The following NCOR2 variants were observed in gnomAD, a reference collection of about 807,000 sequenced individuals.
NCOR2 encodes the protein nuclear receptor corepressor 2.
A neutral mutation model predicts 262.9 loss-of-function variants in NCOR2; 81 were observed. The observed-to-expected ratio is 0.31, with a 90% CI of 0.26 to 0.37. The LOEUF is 0.37. Ranked by LOEUF, NCOR2 falls within the 10% of genes least tolerant of loss-of-function variation. The pLI is 1.00. For missense variants in NCOR2, 3,385 were observed against 3,621.4 expected, an observed-to-expected ratio of 0.93 and a Z score of 1.68; for synonymous variants, 1,659 against 1,559.3, an observed-to-expected ratio of 1.06 and a Z score of -1.51.
rs1288563407 is a variant in NCOR2, at chr12:124,566,354, A to G, written c.-165+954T>C. ...TCGCTTCCAAAAAAATAAACCTACA[A>G]TGTAAAAATAACGCCGGGCGCCCCA... On this transcript the variant is annotated intron_variant, in intron 1 of 32. Transcript: ENST00000458234. This position sits in a 1 kb window ranked among gnomAD's most constrained non-coding sequence, Gnocchi z 4.3. Among the ~76,000 whole-genome samples, 1 of 152,006 alleles carries G rather than the reference A, an allele frequency of 6.6e-6. No individual in the cohort carries two copies. The highest frequency in any genetic ancestry group is 2.4e-5 in the African/African-American group (1 of 41,396).
intron 1 of NCOR2, among the ~76,000 whole-genome samples, chr12:124,565,705 C>T (rs991571982): frequency 6.6e-6 from 1 of 152,188 alleles, no homozygotes; most frequent in Non-Finnish European, 1.5e-5. Context: ...TATGGCCGGA[C>T]GGTCAGCTCT....
chr12:124,514,752 G>A (rs745361151), intron 1 of NCOR2: 4 of 147,352 alleles, frequency 2.7e-5, no homozygotes, highest in African/African-American at 1.0e-4. Flanking sequence ...CAGGAGAATC[G>A]CTTGAACCTG....
At chr12:124,496,422 C>CACCCCCCAGAGCTGAGGGAAATGCACCCT, upstream of NCOR2, among the ~76,000 whole-genome samples, 1 of 152,244 alleles carries the variant, frequency 6.6e-6, no homozygotes, top group South Asian at 2.1e-4. This position sits in a 1 kb window ranked among gnomAD's most constrained non-coding sequence, Gnocchi z 4.4. Context: ...CAATTGCACA[C>CACCCCCCAGAGCTGAGGGAAATGCACCCT]ACCCCCCAGA....
chr12:124,374,511 T>C (rs372970253), intron 18 of NCOR2, 48 bp from the exon 21 acceptor site: 17 of 1,585,416 alleles, frequency 1.1e-5, no homozygotes, highest in African/African-American at 1.3e-5. Flanking sequence ...CACCAAGTAG[T>C]GGGAGGGGAG....
chr12:124,396,402 T>G (rs1179269867), intron 16 of NCOR2, among the ~76,000 whole-genome samples: 2 of 152,194 alleles, frequency 1.3e-5, no homozygotes, highest in African/African-American at 2.4e-5. Flanking sequence ...CAATAAAGCT[T>G]CTTTTGCAGC....
rs1318693642 is a variant in NCOR2 at position 124,348,426 on chromosome 12, G to A, written c.3845-112C>T. The A allele has an allele frequency of 2.2e-6, 3 of 1,394,858 alleles. No homozygotes were observed. The South Asian group carries it at 4.2e-5, about 20-fold the overall frequency. The allele number at this position is 1,394,858 out of a possible 1,614,324, so 86.4% of individuals were successfully genotyped here. On this transcript the variant is annotated intron_variant, in intron 28 of 46. Coordinates refer to ENST00000405201, the Ensembl canonical transcript of NCOR2. ...AGGAGCCAGCAGTGCTTCCATGCTG[G>A]CCCCGTCACAAAGCCTCACAGCCGA...
At chr12:124,466,315 G>C in intron 4 of NCOR2, 29 bp from the exon 7 acceptor site, 1 of 1,589,580 alleles carries the variant, frequency 6.3e-7, no homozygotes, top group South Asian at 1.1e-5. Context: ...CGTGAGGGAT[G>C]AGCACCCCAG....
At chr12:124,371,901 C>A in intron 20 of NCOR2, 121 bp downstream of exon 22, 1 of 1,036,788 alleles carries the variant, frequency 9.6e-7, no homozygotes, top group Non-Finnish European at 1.4e-6. Flanking sequence ...GCCTCCCTAA[C>A]CACACCTCGG....
chr12:124,355,235 G>A, intron 24 of NCOR2, 197 bp downstream of exon 26: 1 of 663,042 alleles, frequency 1.5e-6, no homozygotes, highest in Non-Finnish European at 2.5e-6. Flanking sequence ...GCCCTTGACT[G>A]CAATACAGAG....
chr12:124,543,048 G>A (rs1245989526), intron 1 of NCOR2, among the ~76,000 whole-genome samples: 1 of 41,604 alleles, frequency 2.4e-5, no homozygotes, highest in African/African-American at 9.1e-5. Context: ...GGGTGGGTGG[G>A]CGAAGATGGG....
chr12:124,428,044 AGTGTGTGTGTGTGTGT>A (rs55965573), intron 10 of NCOR2, among the ~76,000 whole-genome samples: 7,011 of 112,484 alleles, frequency 0.062, 210 homozygotes, highest in Non-Finnish European at 0.076. Context: ...CCATGTGGCC[AGTGTGTGTGTGTGTGT>A]GTGTGTGTGT....
At chr12:124,498,231 G>A (rs944516295), upstream of NCOR2, among the ~76,000 whole-genome samples, 1 of 152,174 alleles carries the variant, frequency 6.6e-6, no homozygotes, top group Admixed American at 6.5e-5. Flanking sequence ...CCTTTGCCCA[G>A]TGAGATGCTG....
chr12:124,382,004 G>C (rs952876189), intron 17 of NCOR2, among the ~76,000 whole-genome samples: 2 of 152,220 alleles, frequency 1.3e-5, no homozygotes, highest in Non-Finnish European at 2.9e-5. Context: ...TGCAAGGCGG[G>C]AGGGGACACC....
At chr12:124,416,509 C>T (rs527578115) in intron 13 of NCOR2, among the ~76,000 whole-genome samples, 21 of 152,074 alleles carry the variant, frequency 1.4e-4, no homozygotes, top group Non-Finnish European at 2.9e-4. Context: ...ATGCCACCTC[C>T]CAGGGAGACC....
In NCOR2 at chr12:124,503,465, T is replaced by TGATG. The variant is rs57693607; in HGVS notation, c.-117-8101_-117-8098dup. Among the ~76,000 whole-genome samples, 24,604 of 148,888 alleles carry TGATG rather than the reference T, an allele frequency of 0.17. 2,298 individuals are homozygous for TGATG. The highest frequency in any genetic ancestry group is 0.27 in the East Asian group (1,393 of 5,106). ...GAGAAAGGAGGAAGGATGCATGGAC[T>TGATG]GATGGATGGATGGATGGATGATGGA... On this transcript the variant is annotated intron_variant, in intron 1 of 46. Coordinates refer to the NCOR2 transcript ENST00000404621. This position sits in a 1 kb window ranked among gnomAD's most constrained non-coding sequence, Gnocchi z 4.3.
chr12:124,324,565 C>G (rs1273786115), exon 47 of NCOR2: 1 of 152,368 alleles, frequency 6.6e-6, no homozygotes. Flanking sequence ...AGCCAGCAGT[C>G]CCCGCCCCCT....
At position 124,346,854 on chromosome 12, in the gene NCOR2, C is replaced by A. The variant is rs1454972025; in HGVS notation, c.4073-4G>T. On this transcript the variant is annotated splice_region_variant and splice_polypyrimidine_tract_variant and intron_variant, in intron 30 of 46. Transcript: ENST00000405201. Reference sequence around the variant, plus strand: ...TCCACGTAGGACCGAGGGATCCCTGCCGGGCCGACAGCACTGACCCTCACG... The same window carrying A: ...TCCACGTAGGACCGAGGGATCCCTGACGGGCCGACAGCACTGACCCTCACG... 6.4e-7 allele frequency: 1 copy of A among 1,562,746 alleles called. No homozygotes were observed.
At chr12:124,428,229 C>T (rs941959466) in intron 10 of NCOR2, among the ~76,000 whole-genome samples, 1 of 152,198 alleles carries the variant, frequency 6.6e-6, no homozygotes, top group Non-Finnish European at 1.5e-5. Context: ...TGCACAGCAT[C>T]GGTGAGACAG....
At chr12:124,407,117 TG>T (rs1460298912) in intron 13 of NCOR2, among the ~76,000 whole-genome samples, 4 of 152,178 alleles carry the variant, frequency 2.6e-5, no homozygotes, top group African/African-American at 9.7e-5. Flanking sequence ...CTCCTCCCTA[TG>T]CCCATTTAAA....
Sources: gnomAD v4.1 joint callset for allele counts (sites outside exome capture counted in the v4.1 genomes callset) on GRCh38, gnomAD v4.1.1 for gene constraint, Gnocchi (gnomAD v3.1) non-coding constraint, MANE v1.5 for transcripts, NCBI Gene and HGNC (gene_info 2026-07-23, HGNC 2026-07-21) for gene names.